The following POLR3E variants were observed in gnomAD, a reference collection of about 807,000 sequenced individuals.
POLR3E encodes the protein RNA polymerase III subunit E, also known as DNA-directed RNA polymerase III subunit RPC5.
A neutral mutation model predicts 96.6 loss-of-function variants in POLR3E; 41 were observed. The observed-to-expected ratio is 0.42, with a 90% CI of 0.33 to 0.55. The LOEUF is 0.55. POLR3E is among the 20% of genes least tolerant of loss of function. The pLI, the probability that POLR3E is intolerant of heterozygous loss-of-function variation, is 0.06. For missense variants in POLR3E, 849 were observed against 952.1 expected (o/e 0.89, Z 1.43); for synonymous variants, 396 against 383.6 (o/e 1.03, Z -0.38).
rs1012011411 is a variant in POLR3E at position 22,325,273 on chromosome 16, G to A, written c.1348+7G>A. The stretch of plus-strand genomic sequence containing the variant: ...AAGCCGGATGCACAATCAGGTGTGT[G>A]AGGGGCTTTGGGCTGGGAGGCCCCG... On this transcript the variant is annotated splice_region_variant and intron_variant, in intron 17 of 20. Coordinates refer to ENST00000299853, the MANE Select transcript of POLR3E (RefSeq NM_018119.4). 6.2e-7 allele frequency: 1 copy of A among 1,611,822 alleles called. No homozygotes were observed. The highest frequency in any genetic ancestry group is 1.3e-5 in the African/African-American group (1 of 74,894).
At chr16:22,325,333 C>T (rs1370351096) in intron 17 of POLR3E, 67 bp downstream of exon 17, 2 of 1,299,138 alleles carry the variant, frequency 1.5e-6, no homozygotes, top group Non-Finnish European at 2.2e-6. Context: ...GGCTGCTGTG[C>T]TAGAGCTTGT....
chr16:22,318,579 C>G lies in POLR3E; in HGVS notation c.866-247C>G, dbSNP rs2048406604. On this transcript the variant is annotated intron_variant, in intron 12 of 20. Coordinates refer to ENST00000299853, the MANE Select transcript of POLR3E (RefSeq NM_018119.4). This position sits in a 1 kb window ranked among gnomAD's most constrained non-coding sequence, Gnocchi z 5.0. ...TCTGAGTAGTAATAGACCCTTCCTC[C>G]TGAGGCACCCCTCAAGTCTTCCTTA... 6.6e-6 allele frequency among the ~76,000 whole-genome samples: 1 copy of G among 152,212 alleles called. No homozygotes were observed. Among genetic ancestry groups the G allele is most frequent in the Non-Finnish European group, 1.5e-5 (1 of 68,032 alleles).
At chr16:22,315,962 C>T (rs1472484478) in intron 9 of POLR3E, among the ~76,000 whole-genome samples, 1 of 152,192 alleles carries the variant, frequency 6.6e-6, no homozygotes, top group Admixed American at 6.5e-5. Context: ...GCCACGACCA[C>T]CTGGCCCTGG....
At chr16:22,302,698 G>A in intron 1 of POLR3E, 1 of 516,574 alleles carries the variant, frequency 1.9e-6, no homozygotes, top group Non-Finnish European at 3.5e-6. Flanking sequence ...CACACTTGTT[G>A]GCTTGGTCTA....
chr16:22,328,328 A>G (rs1382997372), intron 18 of POLR3E, 182 bp from the exon 19 acceptor site: 3 of 607,136 alleles, frequency 4.9e-6, no homozygotes, highest in African/African-American at 3.7e-5. Context: ...CCTCCTCCCC[A>G]TGGTGAGGTG....
intron 1 of POLR3E, chr16:22,302,490 T>A (rs1598232584): frequency 6.2e-6 from 1 of 161,432 alleles, no homozygotes; most frequent in African/African-American, 2.4e-5. Flanking sequence ...AAATCAAATA[T>A]CAGAGAGCTT....
At position 22,325,967 on chromosome 16, in the gene POLR3E, A is replaced by G. The variant is rs1428265755; in HGVS notation, c.1555A>G (p.Met519Val). The G allele has an allele frequency of 6.3e-7, 1 of 1,592,500 alleles. No homozygotes were observed. The highest frequency in any genetic ancestry group is 1.3e-5 in the African/African-American group (1 of 74,570). Residue 519 changes from methionine (M) to valine (V), a missense_variant, in exon 18 of 21, where the codon ATG becomes GTG. Coordinates refer to ENST00000299853, the MANE Select transcript of POLR3E (RefSeq NM_018119.4). The part of the protein sequence containing the change: ...DEEQEAEEEP[M>V]DTSPSGLHSK... ...GGAGCAGGAGGCGGAGGAGGAGCCC[A>G]TGGACACTTCCCCCAGCGGCCTCCA...
At chr16:22,306,147 G>A (rs978843459) in intron 3 of POLR3E, among the ~76,000 whole-genome samples, 9 of 152,188 alleles carry the variant, frequency 5.9e-5, no homozygotes, top group Admixed American at 2.6e-4. Flanking sequence ...TCACATAGCT[G>A]GAATCATGCA....
chr16:22,298,410 A>C (rs9927282), intron 1 of POLR3E, among the ~76,000 whole-genome samples: 1 of 152,114 alleles, frequency 6.6e-6, no homozygotes, highest in African/African-American at 2.4e-5. Flanking sequence ...ACCTTCCCAG[A>C]GGTTACGTTT....
At chr16:22,317,236 G>A (rs756701104) in intron 12 of POLR3E, 30 bp downstream of exon 12, 9 of 1,552,774 alleles carry the variant, frequency 5.8e-6, no homozygotes, top group African/African-American at 2.7e-5. Flanking sequence ...CCACCCGGGG[G>A]CCCCAGTCCC....
rs1414357780 is a variant in POLR3E at position 22,309,656 on chromosome 16, A to C, written c.364+146A>C. 16 of 703,748 alleles carry C rather than the reference A, an allele frequency of 2.3e-5. No individual in the cohort carries two copies. The East Asian group carries it at 4.0e-4, about 18-fold the overall frequency. The allele number at this position is 703,748 out of a possible 1,614,324, so 43.6% of individuals were successfully genotyped here. On this transcript the variant is annotated intron_variant, in intron 6 of 20. Transcript: ENST00000299853. ...GCCGGGCAGGTGTGGAAATAACAGA[A>C]ATGACACATTGTCAGGGGACTGGAA...
In POLR3E at chr16:22,325,784, G is replaced by A; in HGVS notation, c.1372G>A (p.Asp458Asn). 6.3e-7 allele frequency: 1 copy of A among 1,586,816 alleles called. No individual in the cohort carries two copies. The highest frequency in any genetic ancestry group is 1.2e-5 in the South Asian group (1 of 85,330). The change falls in exon 18 of 21, where the codon GAC becomes AAC. Residue 458 changes from aspartate (D) to asparagine (N), a missense_variant. By Grantham distance (23) the Asp-to-Asn change is conservative. Transcript: ENST00000299853. ...QSGPAGLVCG[D>N]QRIQVAKTKA... ...AGGGCCTGCCGGGCTGGTCTGTGGG[G>A]ACCAGCGGATCCAAGTAGCCAAAAC...
At chr16:22,317,312 C>T (rs1378005509) in intron 12 of POLR3E, 106 bp downstream of exon 12, 1 of 783,752 alleles carries the variant, frequency 1.3e-6, no homozygotes. Flanking sequence ...GAGGCCCCTG[C>T]TGCCCACAGC....
chr16:22,301,372 A>T (rs1598230650), intron 1 of POLR3E, among the ~76,000 whole-genome samples: 1 of 152,136 alleles, frequency 6.6e-6, no homozygotes, highest in Non-Finnish European at 1.5e-5. Context: ...ACTTGAGGCC[A>T]GGAGTTCGAG....
chr16:22,318,913 C>A lies in POLR3E; in HGVS notation c.953C>A (p.Ala318Glu). ...VAVLRGIQKVAMLVQGNWVVK... is the reference protein window; with the variant it reads ...VAVLRGIQKVEMLVQGNWVVK... ...GTTCTGCGGGGCATCCAGAAGGTGGCGATGTTGGTCCAAGGGAACTGGGTG... is the reference window on the plus strand; with the variant it reads ...GTTCTGCGGGGCATCCAGAAGGTGGAGATGTTGGTCCAAGGGAACTGGGTG... Residue 318 changes from alanine (A) to glutamate (E), a missense_variant, in exon 13 of 21, where the codon GCG becomes GAG. By Grantham distance (107) the Ala-to-Glu change is moderately radical (BLOSUM62 -1). Coordinates refer to ENST00000299853, the MANE Select transcript of POLR3E (RefSeq NM_018119.4). The surrounding 1 kb of genome is among the most constrained non-coding windows in gnomAD (Gnocchi z 5.0). 6.2e-7 allele frequency: 1 copy of A among 1,613,414 alleles called. No individual in the cohort carries two copies. The highest frequency in any genetic ancestry group is 8.5e-7 in the Non-Finnish European group (1 of 1,179,626).
chr16:22,316,733 C>T, intron 10 of POLR3E, 47 bp downstream of exon 10: 2 of 1,450,850 alleles, frequency 1.4e-6, no homozygotes, highest in Middle Eastern at 1.7e-4. Context: ...TGCCCAGGGT[C>T]CCCAGGGGTC....
chr16:22,301,655 G>A (rs565548315), intron 1 of POLR3E, among the ~76,000 whole-genome samples: 1 of 152,296 alleles, frequency 6.6e-6, no homozygotes, highest in South Asian at 2.1e-4. Context: ...GCCGGGCGCA[G>A]TGGCTCACGC....
chr16:22,317,306 C>T (rs2048377718), intron 12 of POLR3E, 100 bp downstream of exon 12: 1 of 818,342 alleles, frequency 1.2e-6, no homozygotes, highest in African/African-American at 1.7e-5. Context: ...AGGCCAGAGG[C>T]CCCTGCTGCC....
rs577425700 is a variant in POLR3E at position 22,300,776 on chromosome 16, C to A, written c.-38-2155C>A. Among the ~76,000 whole-genome samples, 4 of 152,320 alleles carry A rather than the reference C, an allele frequency of 2.6e-5. No homozygotes were observed. The East Asian group carries it at 5.8e-4, about 22-fold the overall frequency. ...TTTCCCTGAAGTTTCTCTTTCTACC[C>A]GCTCCATGTCTTCCTCTGCCCGAAA... On this transcript the variant is annotated intron_variant, in intron 1 of 20. Transcript: ENST00000299853.
Sources: allele counts gnomAD v4.1 joint callset (sites outside exome capture counted in the v4.1 genomes callset), GRCh38; gene constraint gnomAD v4.1.1; non-coding constraint Gnocchi (gnomAD v3.1); transcripts MANE v1.5; gene names NCBI Gene and HGNC (gene_info 2026-07-23, HGNC 2026-07-21).